The following CCDC171 variants were observed in gnomAD, a reference collection of about 807,000 sequenced individuals.
CCDC171 encodes coiled-coil domain-containing protein 171.
Under a neutral mutation model 168.2 loss-of-function variants are expected in CCDC171, and 177 were observed. That is an observed-to-expected ratio of 1.05 (90% CI 0.93 to 1.19). The LOEUF (loss-of-function observed/expected upper bound fraction) is 1.19, where lower values mean the gene tolerates loss of function less well. Among genes scored for constraint, CCDC171 ranks in the 50% most tolerant of loss-of-function variants. The pLI, the probability that CCDC171 is intolerant of heterozygous loss-of-function variation, is 0.00. For missense variants in CCDC171, 1,991 were observed against 1,539.0 expected (o/e 1.29, Z -4.91); for synonymous variants, 687 against 540.8 (o/e 1.27, Z -3.75).
At chr9:15,688,499 G>C (rs1421853216) in intron 10 of CCDC171, among the ~76,000 whole-genome samples, 1 of 152,058 alleles carries the variant, frequency 6.6e-6, no homozygotes, top group Non-Finnish European at 1.5e-5. Context: ...AATCCAGCAA[G>C]ATATAAAAAA....
intron 3 of CCDC171, among the ~76,000 whole-genome samples, chr9:16,012,143 T>C (rs1044347152): frequency 1.3e-5 from 2 of 152,318 alleles, no homozygotes; most frequent in African/African-American, 4.8e-5. Flanking sequence ...CTTTCCTCTG[T>C]GCTGCCCAAG....
chr9:15,708,594 A>G (rs938386560), intron 11 of CCDC171, among the ~76,000 whole-genome samples: 5 of 152,148 alleles, frequency 3.3e-5, no homozygotes, highest in African/African-American at 1.2e-4. Context: ...AACTCCCAGA[A>G]TACAGCTAGC....
chr9:15,829,066 T>C (rs1157120635), intron 21 of CCDC171, among the ~76,000 whole-genome samples: 1 of 152,234 alleles, frequency 6.6e-6, no homozygotes, highest in Non-Finnish European at 1.5e-5. Context: ...GGCTCTCTGA[T>C]CAATACTTCA....
intron 24 of CCDC171, among the ~76,000 whole-genome samples, chr9:15,911,654 C>T (rs146682782): frequency 2.6e-5 from 4 of 151,992 alleles, no homozygotes; most frequent in Non-Finnish European, 4.4e-5. Context: ...TGCCTAGGTT[C>T]TCTTGTTGGA....
At chr9:15,562,068 C>T (rs1056060577) in intron 1 of CCDC171, among the ~76,000 whole-genome samples, 2 of 152,038 alleles carry the variant, frequency 1.3e-5, no homozygotes, top group African/African-American at 4.8e-5. Context: ...AATCTTGGCT[C>T]ACTGCAGTCT....
chr9:15,846,666 G>C (rs752734438), intron 21 of CCDC171, 36 bp from the exon 22 acceptor site: 1 of 1,604,340 alleles, frequency 6.2e-7, no homozygotes, highest in Non-Finnish European at 8.5e-7. Context: ...TAATTATCAG[G>C]GCTGACAAGT....
chr9:15,776,176 A>G (rs115716152), intron 18 of CCDC171: 1 of 151,992 alleles, frequency 6.6e-6, no homozygotes, highest in Admixed American at 6.5e-5. Context: ...TTGTATTATT[A>G]TTATAAAAAC....
At chr9:15,607,444 T>C (rs1269563461) in intron 6 of CCDC171, among the ~76,000 whole-genome samples, 4 of 152,150 alleles carry the variant, frequency 2.6e-5, no homozygotes, top group African/African-American at 7.2e-5. Flanking sequence ...GGATGCTTCT[T>C]TGTCAAACTT....
chr9:15,580,740 C>A (rs1309842196), intron 4 of CCDC171, among the ~76,000 whole-genome samples: 1 of 152,052 alleles, frequency 6.6e-6, no homozygotes, highest in South Asian at 2.1e-4. Flanking sequence ...ACAGATGTTG[C>A]ATGGATGTGG....
intron 3 of CCDC171, among the ~76,000 whole-genome samples, chr9:15,998,524 T>G (rs1832439414): frequency 6.6e-6 from 1 of 152,318 alleles, no homozygotes; most frequent in African/African-American, 2.4e-5. Flanking sequence ...TGTCTATTCC[T>G]TTGAGACTAA....
At chr9:16,086,939 C>T in the CCDC171 span, among the ~76,000 whole-genome samples, 1 of 152,132 alleles carries the variant, frequency 6.6e-6, no homozygotes, top group Non-Finnish European at 1.5e-5. Context: ...TGTCTTTGTT[C>T]TCATTGGTTT....
chr9:16,044,263 T>G (rs558399686), intron 1 of CCDC171, among the ~76,000 whole-genome samples: 18 of 152,342 alleles, frequency 1.2e-4, no homozygotes, highest in African/African-American at 3.8e-4. Flanking sequence ...AATCTCCAAC[T>G]TCCTTTTTAA....
intron 3 of CCDC171, among the ~76,000 whole-genome samples, chr9:15,999,704 C>T (rs1430259656): frequency 6.6e-6 from 1 of 152,206 alleles, no homozygotes; most frequent in African/African-American, 2.4e-5. Context: ...TTCATGCAGC[C>T]ATGCTCAATT....
chr9:16,108,206 C>T, the CCDC171 span, among the ~76,000 whole-genome samples: 2 of 152,210 alleles, frequency 1.3e-5, no homozygotes, highest in Non-Finnish European at 2.9e-5. Context: ...GAGAATGATA[C>T]TCCAATCAGT....
At chr9:15,738,625 T>TGC (rs1273233470) in intron 16 of CCDC171, among the ~76,000 whole-genome samples, 10 of 152,238 alleles carry the variant, frequency 6.6e-5, no homozygotes, top group Middle Eastern at 3.4e-3. Context: ...ATTCGATTTT[T>TGC]TTTTTTAAAG....
At chr9:15,656,203 T>G (rs957105816) in intron 7 of CCDC171, among the ~76,000 whole-genome samples, 5 of 151,942 alleles carry the variant, frequency 3.3e-5, no homozygotes, top group Non-Finnish European at 7.4e-5. Context: ...CGTGTAGTAG[T>G]CCCAGCTACT....
At chr9:15,576,974 G>A (rs1055873610) in intron 3 of CCDC171, among the ~76,000 whole-genome samples, 1 of 152,194 alleles carries the variant, frequency 6.6e-6, no homozygotes, top group Non-Finnish European at 1.5e-5. Flanking sequence ...TCAGAAAGGA[G>A]AGGCTGCTTT....
intron 24 of CCDC171, among the ~76,000 whole-genome samples, chr9:15,906,317 T>G (rs1023376518): frequency 1.3e-5 from 2 of 152,174 alleles, no homozygotes; most frequent in African/African-American, 4.8e-5. Context: ...TCAAAAAGCT[T>G]ATCCACCATG....
At chr9:15,667,378 G>A (rs2048807871) in intron 9 of CCDC171, among the ~76,000 whole-genome samples, 2 of 152,144 alleles carry the variant, frequency 1.3e-5, no homozygotes, top group East Asian at 1.9e-4. Flanking sequence ...GGGCACGGTG[G>A]CTTACACCTG....
Sources: allele counts gnomAD v4.1 joint callset (sites outside exome capture counted in the v4.1 genomes callset), GRCh38; gene constraint gnomAD v4.1.1; transcripts MANE v1.5; gene names NCBI Gene and HGNC (gene_info 2026-07-23, HGNC 2026-07-21).